The following GABBR2 variants were observed in gnomAD, a reference collection of about 807,000 sequenced individuals.
GABBR2 encodes G-protein coupled receptor 51.
Under a neutral mutation model 105.6 loss-of-function variants are expected in GABBR2, and 23 were observed. The observed-to-expected ratio is 0.22, with a 90% CI of 0.16 to 0.31. GABBR2 has a LOEUF of 0.31. Among genes scored for constraint, GABBR2 ranks in the 10% least tolerant of loss-of-function variants. The pLI is 1.00. For missense variants in GABBR2, 734 were observed against 1,245.5 expected (o/e 0.59, Z 6.18); for synonymous variants, 478 against 499.7 (o/e 0.96, Z 0.58).
intron 2 of GABBR2, among the ~76,000 whole-genome samples, chr9:98,548,588 A>G (rs751954150): frequency 1.7e-5 from 2 of 117,454 alleles, no homozygotes; most frequent in African/African-American, 2.7e-5. Context: ...AGTTTAGTGA[A>G]AGAGAGATGA....
intron 4 of GABBR2, among the ~76,000 whole-genome samples, chr9:98,486,677 G>T (rs1443264448): frequency 6.6e-6 from 1 of 152,186 alleles, no homozygotes; most frequent in African/African-American, 2.4e-5. Flanking sequence ...TATATAAAGA[G>T]AGGAGATGCT....
intron 2 of GABBR2, among the ~76,000 whole-genome samples, chr9:98,561,712 G>A (rs1439706197): frequency 1.3e-5 from 2 of 152,040 alleles, no homozygotes; most frequent in Non-Finnish European, 2.9e-5. Context: ...GCGAGACTCC[G>A]TCTCTACAAA....
chr9:98,490,059 C>T (rs929241641), intron 4 of GABBR2, among the ~76,000 whole-genome samples: 1 of 152,202 alleles, frequency 6.6e-6, no homozygotes, highest in Admixed American at 6.5e-5. Flanking sequence ...TGCCACCGCA[C>T]TCCAGCCTGG....
chr9:98,551,867 T>C (rs1828493348), intron 2 of GABBR2, among the ~76,000 whole-genome samples: 1 of 152,230 alleles, frequency 6.6e-6, no homozygotes, highest in South Asian at 2.1e-4. Flanking sequence ...TTTTCTCATC[T>C]CTGAAAGTGA....
intron 1 of GABBR2, among the ~76,000 whole-genome samples, chr9:98,588,078 G>A (rs1052454557): frequency 6.6e-6 from 1 of 152,068 alleles, no homozygotes; most frequent in Non-Finnish European, 1.5e-5. Context: ...CTTTTATAAA[G>A]ACAGAAAGTC....
intron 2 of GABBR2, among the ~76,000 whole-genome samples, chr9:98,543,787 A>T (rs1828351505): frequency 6.6e-6 from 1 of 152,190 alleles, no homozygotes; most frequent in African/African-American, 2.4e-5. Context: ...TAAGAAAATT[A>T]GCCCTTTATG....
intron 13 of GABBR2, among the ~76,000 whole-genome samples, chr9:98,337,164 G>T (rs1379520531): frequency 6.6e-6 from 1 of 152,108 alleles, no homozygotes; most frequent in Non-Finnish European, 1.5e-5. Flanking sequence ...AATTAGCCAG[G>T]CATGGTGGTG....
At chr9:98,519,447 CG>C (rs1827824305) in intron 3 of GABBR2, among the ~76,000 whole-genome samples, 2 of 152,202 alleles carry the variant, frequency 1.3e-5, no homozygotes, top group African/African-American at 2.4e-5. Flanking sequence ...CCGTGATAGA[CG>C]GGAAAGGCCG....
intron 13 of GABBR2, among the ~76,000 whole-genome samples, chr9:98,348,674 A>AT (rs555878894): frequency 1.5e-4 from 23 of 152,138 alleles, no homozygotes; most frequent in Admixed American, 1.2e-3. Context: ...ATTCCTAGAC[A>AT]TTTTTTGTAG....
intron 13 of GABBR2, among the ~76,000 whole-genome samples, chr9:98,329,654 T>G (rs991220017): frequency 5.9e-5 from 9 of 152,234 alleles, no homozygotes; most frequent in Non-Finnish European, 1.3e-4. Flanking sequence ...TCTTGCCCCC[T>G]CACTGTACCA....
rs181725119 is a variant in GABBR2, at chr9:98,695,115, A to G, written c.321+13302T>C. ...GGGGCCCAGTTCTGATTTTTATCCA[A>G]AATTGTTCTGTTTTACCTTGTGTTT... is the stretch of plus-strand genomic sequence containing the variant. On this transcript the variant is annotated intron_variant, in intron 1 of 18. Coordinates refer to ENST00000259455, the MANE Select transcript of GABBR2 (RefSeq NM_005458.8). Among the ~76,000 whole-genome samples the G allele has an allele frequency of 2.1e-3, 319 of 152,306 alleles. 1 individual carries two copies. Among genetic ancestry groups the G allele is most frequent in the African/African-American group, 7.3e-3 (304 of 41,572 alleles).
At chr9:98,574,491 C>T (rs974078685) in intron 2 of GABBR2, among the ~76,000 whole-genome samples, 15 of 152,200 alleles carry the variant, frequency 9.9e-5, no homozygotes, top group African/African-American at 3.4e-4. Flanking sequence ...ATGATGCCAG[C>T]CCCCAGCCTT....
intron 1 of GABBR2, among the ~76,000 whole-genome samples, chr9:98,638,050 G>A (rs1011972671): frequency 5.3e-5 from 8 of 152,148 alleles, no homozygotes; most frequent in African/African-American, 9.7e-5. Context: ...TAACCTGCCC[G>A]GGGTCATACA....
At chr9:98,665,413 T>G (rs1464215208) in intron 1 of GABBR2, among the ~76,000 whole-genome samples, 1 of 152,218 alleles carries the variant, frequency 6.6e-6, no homozygotes, top group Non-Finnish European at 1.5e-5. Context: ...TTGGGAATAC[T>G]GTTCTGACCC....
intron 3 of GABBR2, 97 bp from the exon 4 acceptor site, chr9:98,496,611 A>T: frequency 1.3e-6 from 1 of 779,476 alleles, no homozygotes. Flanking sequence ...GGGCAAAGCG[A>T]TTTTCTCTAC....
At chr9:98,433,960 A>G (rs551672662) in intron 7 of GABBR2, among the ~76,000 whole-genome samples, 1 of 152,186 alleles carries the variant, frequency 6.6e-6, no homozygotes, top group Admixed American at 6.5e-5. Context: ...CTTCAATCCA[A>G]TGAAGTATTG....
chr9:98,464,129 CG>C, intron 6 of GABBR2, among the ~76,000 whole-genome samples: 1 of 151,944 alleles, frequency 6.6e-6, no homozygotes, highest in South Asian at 2.1e-4. Flanking sequence ...TCTGCCCGGC[CG>C]CCCCGTCTGG....
rs538751272 is a variant in GABBR2, at chr9:98,638,482, C to A, written c.322-60410G>T. ...GCAGGCCAGCTCTCACTAATGCAGG[C>A]CCTGTTTTAGTACTGACCGAGTGGT... On this transcript the variant is annotated intron_variant, in intron 1 of 18. Coordinates refer to ENST00000259455, the MANE Select transcript of GABBR2 (RefSeq NM_005458.8). Among the ~76,000 whole-genome samples, 4 of 152,184 alleles carry A rather than the reference C, an allele frequency of 2.6e-5. No individual in the cohort carries two copies. In the East Asian group the frequency reaches 7.7e-4, roughly 29 times the overall value.
At chr9:98,324,493 GACACACAC>G (rs3983548) in intron 13 of GABBR2, among the ~76,000 whole-genome samples, 3,321 of 143,330 alleles carry the variant, frequency 0.023, 88 homozygotes, top group African/African-American at 0.057. Flanking sequence ...CTACAGAGCC[GACACACAC>G]ACACACACAC....
Sources: allele counts gnomAD v4.1 joint callset (sites outside exome capture counted in the v4.1 genomes callset), GRCh38; gene constraint gnomAD v4.1.1; transcripts MANE v1.5; gene names NCBI Gene and HGNC (gene_info 2026-07-23, HGNC 2026-07-21).